Variants in CELF2 observed in about 807,000 individuals in gnomAD.
The protein encoded by CELF2 is CUG triplet repeat RNA-binding protein 2.
Under a neutral mutation model 62.6 loss-of-function variants are expected in CELF2, and 8 were observed. The observed-to-expected ratio is 0.13, with a 90% confidence interval of 0.07 to 0.23. The LOEUF is 0.23. CELF2 is among the 10% of genes least tolerant of loss of function. CELF2 has a pLI of 1.00. For synonymous variants in CELF2, 258 were observed against 250.0 expected (o/e 1.03, Z -0.30); for missense variants, 333 against 671.0 (o/e 0.50, Z 5.56).
At chr10:10,878,597 A>T (rs555676829) in intron 1 of CELF2, among the ~76,000 whole-genome samples, 88 of 151,986 alleles carry the variant, frequency 5.8e-4, no homozygotes, top group Non-Finnish European at 1.1e-3. Flanking sequence ...TCGTACAAAT[A>T]CCCTCCACTT....
chr10:10,800,846 A>T (rs1475101566), intron 1 of CELF2, among the ~76,000 whole-genome samples: 2 of 152,104 alleles, frequency 1.3e-5, no homozygotes, highest in African/African-American at 4.8e-5. Flanking sequence ...AGAATAAATG[A>T]TGCTTTCCTT....
chr10:11,132,838 T>C (rs529883028), intron 1 of CELF2, among the ~76,000 whole-genome samples: 41 of 152,298 alleles, frequency 2.7e-4, no homozygotes, highest in Non-Finnish European at 3.8e-4. Context: ...AAAATATTAG[T>C]CATTCATGCA....
At chr10:10,907,716 G>T (rs2063461089) in intron 1 of CELF2, among the ~76,000 whole-genome samples, 2 of 152,066 alleles carry the variant, frequency 1.3e-5, no homozygotes, top group South Asian at 4.1e-4. Flanking sequence ...ATTGAAGGTT[G>T]TAAATTTCAT....
At position 10,996,382 on chromosome 10, in the gene CELF2, G is replaced by A. The variant is rs192542687; in HGVS notation, c.89+76383G>A. Reference sequence around the variant, plus strand: ...ATGAGGGCAAGGAGCTGAAGGTTTGGTTAGCGTCGGTGAAGGCAAGGATTT... The same window carrying A: ...ATGAGGGCAAGGAGCTGAAGGTTTGATTAGCGTCGGTGAAGGCAAGGATTT... On this transcript the variant is annotated intron_variant, in intron 2 of 13. Coordinates refer to the CELF2 transcript ENST00000636488. Among the ~76,000 whole-genome samples, 158 of 152,306 alleles carry A rather than the reference G, an allele frequency of 1.0e-3. 1 individual carries two copies. Among genetic ancestry groups the A allele is most frequent in the Non-Finnish European group, 1.6e-3 (106 of 68,034 alleles).
the CELF2 span, among the ~76,000 whole-genome samples, chr10:10,730,519 G>A: frequency 1.3e-5 from 2 of 152,270 alleles, no homozygotes; most frequent in African/African-American, 2.4e-5. Context: ...TCATCATTGT[G>A]TTTTCTAGCA....
At chr10:10,746,725 G>A in the CELF2 span, among the ~76,000 whole-genome samples, 1 of 152,066 alleles carries the variant, frequency 6.6e-6, no homozygotes, top group African/African-American at 2.4e-5. Flanking sequence ...TTTTAGAGTT[G>A]CTATTCTTAG....
At chr10:10,902,803 G>A (rs2063032330) in intron 1 of CELF2, among the ~76,000 whole-genome samples, 1 of 149,800 alleles carries the variant, frequency 6.7e-6, no homozygotes, top group South Asian at 2.1e-4. Flanking sequence ...GAGAGGAAGT[G>A]AGGAAGGAAG....
the CELF2 span, among the ~76,000 whole-genome samples, chr10:10,513,857 C>G: frequency 6.6e-6 from 1 of 152,208 alleles, no homozygotes; most frequent in Non-Finnish European, 1.5e-5. Flanking sequence ...ATAGATCCCT[C>G]TCTAAGCAAA....
intron 1 of CELF2, among the ~76,000 whole-genome samples, chr10:11,066,470 T>C (rs1467728201): frequency 3.9e-5 from 6 of 152,058 alleles, no homozygotes; most frequent in Admixed American, 3.9e-4. Context: ...CCTGAGGACC[T>C]CAGGTCACTC....
chr10:11,040,912 G>T (rs1483925575), intron 1 of CELF2, among the ~76,000 whole-genome samples: 1 of 152,192 alleles, frequency 6.6e-6, no homozygotes, highest in East Asian at 1.9e-4. Flanking sequence ...TCTCTGGCCA[G>T]CTGCTGTTCT....
chr10:10,713,048 A>G, the CELF2 span, among the ~76,000 whole-genome samples: 1 of 152,180 alleles, frequency 6.6e-6, no homozygotes, highest in Non-Finnish European at 1.5e-5. Flanking sequence ...AATGGTCCCA[A>G]TGGACCTTAT....
chr10:10,589,020 CA>C, the CELF2 span, among the ~76,000 whole-genome samples: 5 of 152,162 alleles, frequency 3.3e-5, no homozygotes, highest in South Asian at 2.1e-4. Flanking sequence ...GACACAGTCT[CA>C]GGGGGTACTA....
At chr10:10,518,629 A>T in the CELF2 span, among the ~76,000 whole-genome samples, 3 of 152,186 alleles carry the variant, frequency 2.0e-5, no homozygotes, top group African/African-American at 4.8e-5. Flanking sequence ...TGATGTACCA[A>T]ATCTAAAAGA....
chr10:11,113,622 G>A (rs751500871), intron 1 of CELF2, among the ~76,000 whole-genome samples: 1 of 152,214 alleles, frequency 6.6e-6, no homozygotes, highest in Non-Finnish European at 1.5e-5. Context: ...TAAATGCTCT[G>A]TATCAGAAGC....
chr10:11,138,999 TTATTC>T (rs1282022314), intron 1 of CELF2, among the ~76,000 whole-genome samples: 5 of 152,216 alleles, frequency 3.3e-5, no homozygotes, highest in Non-Finnish European at 7.3e-5. Flanking sequence ...GCAATTATAT[TTATTC>T]TATTTTTTGG....
At chr10:10,782,105 A>G in the CELF2 span, among the ~76,000 whole-genome samples, 636 of 152,316 alleles carry the variant, frequency 4.2e-3, 5 homozygotes, top group African/African-American at 0.014. Context: ...AGCATCCTCC[A>G]ATTTTGGTAT....
chr10:11,089,891 A>T (rs1013184706), intron 1 of CELF2, among the ~76,000 whole-genome samples: 1 of 152,190 alleles, frequency 6.6e-6, no homozygotes, highest in Non-Finnish European at 1.5e-5. Context: ...GATGAGTTGG[A>T]GGCCATTATC....
chr10:11,282,628 C>G (rs1263564101), intron 8 of CELF2, among the ~76,000 whole-genome samples: 1 of 152,210 alleles, frequency 6.6e-6, no homozygotes, highest in Non-Finnish European at 1.5e-5. Context: ...TTTGAGCTTT[C>G]TATGTGTTGA....
rs1433015400 is a variant in CELF2 at position 11,260,466 on chromosome 10, G to A, written c.538+2594G>A. ...AAGCAGCCAGAACCTCCATGGGAAA[G>A]AGCAGGACACGCAGTACTTAACAAG... On this transcript the variant is annotated intron_variant, in intron 5 of 12. Transcript: ENST00000633077. The surrounding 1 kb of genome is among the most constrained non-coding windows in gnomAD (Gnocchi z 4.2). 6.6e-6 allele frequency among the ~76,000 whole-genome samples: 1 copy of A among 152,232 alleles called. No individual in the cohort carries two copies. Among genetic ancestry groups the A allele is most frequent in the African/African-American group, 2.4e-5 (1 of 41,460 alleles).
Sources: allele counts gnomAD v4.1 joint callset (sites outside exome capture counted in the v4.1 genomes callset), GRCh38; gene constraint gnomAD v4.1.1; non-coding constraint Gnocchi (gnomAD v3.1); transcripts MANE v1.5; gene names NCBI Gene and HGNC (gene_info 2026-07-23, HGNC 2026-07-21).